DAB1: variants seen among roughly 807,000 people sequenced by gnomAD.
The protein encoded by DAB1 is disabled homolog 1.
In DAB1, 15 loss-of-function variants were observed where a neutral mutation model predicts 64.6. The observed-to-expected ratio is 0.23, with a 90% confidence interval of 0.16 to 0.36. DAB1 has a LOEUF of 0.36. Ranked by LOEUF, DAB1 falls within the 10% of genes least tolerant of loss-of-function variation. DAB1 has a pLI of 1.00. For synonymous variants in DAB1, 235 were observed against 251.9 expected (o/e 0.93, Z 0.64); for missense variants, 596 against 706.7 (o/e 0.84, Z 1.78).
At chr1:57,328,501 G>A (rs11207008) in intron 1 of DAB1, among the ~76,000 whole-genome samples, 12,600 of 152,180 alleles carry the variant, frequency 0.083, 707 homozygotes, top group East Asian at 0.27. Flanking sequence ...CCACACATAC[G>A]CACTGTATTT....
intron 10 of DAB1, among the ~76,000 whole-genome samples, chr1:57,025,170 G>A (rs914893045): frequency 6.6e-6 from 1 of 152,246 alleles, no homozygotes; most frequent in Non-Finnish European, 1.5e-5. Flanking sequence ...TCCGGGAATG[G>A]GCAGGGGAGG....
intron 5 of DAB1, among the ~76,000 whole-genome samples, chr1:57,916,219 G>A (rs1027188788): frequency 1.2e-4 from 19 of 152,288 alleles, no homozygotes; most frequent in East Asian, 3.9e-4. Flanking sequence ...CAGGCGATTC[G>A]ACAGGCACTG....
intron 4 of DAB1, among the ~76,000 whole-genome samples, chr1:58,171,118 G>A (rs1459487622): frequency 6.6e-6 from 1 of 152,138 alleles, no homozygotes; most frequent in Non-Finnish European, 1.5e-5. Context: ...TATTAGGAAG[G>A]GATATATCAG....
intron 4 of DAB1, among the ~76,000 whole-genome samples, chr1:57,122,373 C>T (rs1271266229): frequency 6.6e-6 from 1 of 152,130 alleles, no homozygotes; most frequent in Non-Finnish European, 1.5e-5. Context: ...CTTCAAGGTG[C>T]TGATGGGAGC....
chr1:57,586,296 C>T (rs1216138359), intron 7 of DAB1, among the ~76,000 whole-genome samples: 1 of 152,110 alleles, frequency 6.6e-6, no homozygotes, highest in Non-Finnish European at 1.5e-5. Flanking sequence ...TTCAGCTCAC[C>T]TCTCCCTCTC....
intron 1 of DAB1, among the ~76,000 whole-genome samples, chr1:57,301,372 G>A (rs756936048): frequency 6.6e-6 from 1 of 152,126 alleles, no homozygotes; most frequent in Non-Finnish European, 1.5e-5. Flanking sequence ...TTTTAGCCAT[G>A]ATACCATTCC....
chr1:57,406,864 A>C (rs553091196), intron 1 of DAB1, among the ~76,000 whole-genome samples: 1 of 152,326 alleles, frequency 6.6e-6, no homozygotes, highest in South Asian at 2.1e-4. Context: ...TGTTTAGATC[A>C]TGTCCAAGAC....
At chr1:57,672,538 G>T (rs1010255299) in intron 6 of DAB1, among the ~76,000 whole-genome samples, 10 of 152,110 alleles carry the variant, frequency 6.6e-5, no homozygotes, top group African/African-American at 1.7e-4. Flanking sequence ...GTCACCTATA[G>T]TCAAGCTCAT....
intron 3 of DAB1, among the ~76,000 whole-genome samples, chr1:58,495,360 G>GTA (rs937460386): frequency 1.5e-4 from 23 of 151,994 alleles, no homozygotes; most frequent in African/African-American, 5.1e-4. Flanking sequence ...CATGGCACAT[G>GTA]TATATATATG....
chr1:57,248,415 A>T (rs1338158426), intron 2 of DAB1, among the ~76,000 whole-genome samples: 1 of 152,188 alleles, frequency 6.6e-6, no homozygotes, highest in Non-Finnish European at 1.5e-5. Flanking sequence ...GGCTGAATCT[A>T]TAGCAATAAA....
intron 7 of DAB1, among the ~76,000 whole-genome samples, chr1:57,496,214 C>G (rs2101296398): frequency 6.6e-6 from 1 of 152,238 alleles, no homozygotes; most frequent in African/African-American, 2.4e-5. Flanking sequence ...TCAAAGAGCT[C>G]CTTACCTCCC....
intron 4 of DAB1, among the ~76,000 whole-genome samples, chr1:58,173,385 C>A (rs570636600): frequency 6.6e-6 from 1 of 152,290 alleles, no homozygotes; most frequent in Non-Finnish European, 1.5e-5. Context: ...CAAAAATCAT[C>A]ATCTCTTCCC....
At chr1:58,017,919 G>C (rs979114542) in intron 5 of DAB1, among the ~76,000 whole-genome samples, 7 of 152,210 alleles carry the variant, frequency 4.6e-5, no homozygotes, top group African/African-American at 1.7e-4. Flanking sequence ...GCCCAGCACT[G>C]TGCTTGGCAC....
intron 5 of DAB1, among the ~76,000 whole-genome samples, chr1:58,094,047 G>A (rs1013672329): frequency 1.3e-5 from 2 of 152,130 alleles, no homozygotes; most frequent in African/African-American, 2.4e-5. Flanking sequence ...TTACTCCCCG[G>A]TCTCTACCTT....
At chr1:57,227,867 A>G (rs964203376) in intron 2 of DAB1, among the ~76,000 whole-genome samples, 1 of 152,166 alleles carries the variant, frequency 6.6e-6, no homozygotes, top group Admixed American at 6.5e-5. Context: ...AATAGGCAGG[A>G]TCTTCCTGAT....
At chr1:57,562,251 T>C (rs956320275) in intron 7 of DAB1, among the ~76,000 whole-genome samples, 1 of 152,226 alleles carries the variant, frequency 6.6e-6, no homozygotes, top group African/African-American at 2.4e-5. Context: ...AGGATGCCTG[T>C]CATCCCAGCT....
At position 57,597,634 on chromosome 1, in the gene DAB1, A is replaced by C. The variant is rs114061654; in HGVS notation, n.625+51958T>G. Among the ~76,000 whole-genome samples, 721 of 152,358 alleles carry C rather than the reference A, an allele frequency of 4.7e-3. 2 individuals are homozygous for C. Among genetic ancestry groups the C allele is most frequent in the African/African-American group, 0.011 (460 of 41,584 alleles). On this transcript the variant is annotated intron_variant and non_coding_transcript_variant, in intron 7 of 20. Coordinates refer to the DAB1 transcript ENST00000485760. ...GTCAGGTTCTGAGAGATGAATAGCT[A>C]ACAATAACAGGTAACTTCTACTGCA...
At chr1:57,095,653 T>A (rs914344286) in intron 4 of DAB1, among the ~76,000 whole-genome samples, 3 of 152,142 alleles carry the variant, frequency 2.0e-5, no homozygotes, top group Non-Finnish European at 4.4e-5. Context: ...AGGGAGGACA[T>A]TCTGTGGTGG....
At chr1:58,383,957 T>C (rs999035780) in intron 3 of DAB1, among the ~76,000 whole-genome samples, 1 of 152,206 alleles carries the variant, frequency 6.6e-6, no homozygotes, top group African/African-American at 2.4e-5. Flanking sequence ...ACTGCGTTAC[T>C]GTTTTCCATA....
Sources: allele counts gnomAD v4.1 joint callset (sites outside exome capture counted in the v4.1 genomes callset), GRCh38; gene constraint gnomAD v4.1.1; transcripts MANE v1.5; gene names NCBI Gene and HGNC (gene_info 2026-07-23, HGNC 2026-07-21).